The following ATP1A4 variants were observed in gnomAD, a reference collection of about 807,000 sequenced individuals.
ATP1A4 encodes ATPase Na+/K+ transporting subunit alpha 4.
In ATP1A4, 90 loss-of-function variants were observed where a neutral mutation model predicts 114.3. That is an observed-to-expected ratio of 0.79 (90% CI 0.66 to 0.94). The LOEUF (loss-of-function observed/expected upper bound fraction) is 0.94, where lower values mean the gene tolerates loss of function less well. Among genes scored for constraint, ATP1A4 ranks in the 40% least tolerant of loss-of-function variants. ATP1A4 has a pLI of 0.00. For missense variants in ATP1A4, 1,222 were observed against 1,313.6 expected, an observed-to-expected ratio of 0.93 and a Z score of 1.08; for synonymous variants, 511 against 494.1, an observed-to-expected ratio of 1.03 and a Z score of -0.45.
intron 20 of ATP1A4, chr1:160,183,167 T>G (rs1653769761): frequency 6.6e-6 from 1 of 152,212 alleles, no homozygotes; most frequent in South Asian, 2.1e-4. Flanking sequence ...CTTGGACAAG[T>G]ATGGAACCAT....
intron 1 of ATP1A4, 47 bp downstream of exon 1, chr1:160,152,234 T>C (rs1481527988): frequency 1.9e-6 from 3 of 1,589,394 alleles, no homozygotes; most frequent in Non-Finnish European, 2.6e-6. Context: ...CTGAAAACAC[T>C]CCTCCACCTA....
intron 7 of ATP1A4, among the ~76,000 whole-genome samples, chr1:160,165,454 C>T (rs112433770): frequency 0.011 from 1,691 of 152,296 alleles, 27 homozygotes; most frequent in African/African-American, 0.039. Context: ...ATCTCCTCCA[C>T]GTTCTTTGTT....
intron 20 of ATP1A4, among the ~76,000 whole-genome samples, chr1:160,185,918 CAAAAA>C (rs564826958): frequency 5.2e-5 from 5 of 96,132 alleles, no homozygotes. Flanking sequence ...GACTCCGTCT[CAAAAA>C]AAAAAAAAAA....
intron 18 of ATP1A4, among the ~76,000 whole-genome samples, chr1:160,179,983 G>A (rs142642649): frequency 2.6e-5 from 4 of 152,310 alleles, no homozygotes; most frequent in African/African-American, 9.6e-5. Context: ...TAGAGTTTAA[G>A]GATGGGAGCA....
In ATP1A4 at chr1:160,152,186, T is replaced by C. The variant is rs760437076; in HGVS notation, c.146T>C (p.Met49Thr). 7 of 1,612,896 alleles carry C rather than the reference T, an allele frequency of 4.3e-6. No individual in the cohort carries two copies. The highest frequency in any genetic ancestry group is 1.3e-5 in the African/African-American group (1 of 74,830). Reference protein sequence around the residue: ...NMEELKKEVVMDDHKLTLEEL... With the variant: ...NMEELKKEVVTDDHKLTLEEL... The stretch of plus-strand genomic sequence containing the variant: ...GAGGAACTGAAGAAGGAAGTGGTCA[T>C]GGTGAGGCCACCCAAAGTGGGCGCT... The change falls in exon 1 of 22, where the codon ATG (methionine) becomes ACG (threonine). Residue 49 changes from methionine to threonine, a missense_variant and splice_region_variant. Coordinates refer to ENST00000368081, the MANE Select transcript of ATP1A4 (RefSeq NM_144699.4).
chr1:160,179,724 C>T (rs1653612588), intron 18 of ATP1A4, among the ~76,000 whole-genome samples: 1 of 152,098 alleles, frequency 6.6e-6, no homozygotes, highest in African/African-American at 2.4e-5. Context: ...GTTCTAGGGC[C>T]TGGGGATATG....
intron 20 of ATP1A4, among the ~76,000 whole-genome samples, chr1:160,185,313 A>G (rs1004968292): frequency 5.9e-5 from 9 of 151,846 alleles, no homozygotes; most frequent in Admixed American, 4.6e-4. Context: ...GCGTTTCACC[A>G]TGTTGGTCAG....
intron 10 of ATP1A4, among the ~76,000 whole-genome samples, chr1:160,169,082 G>A (rs533344156): frequency 1.6e-4 from 25 of 152,238 alleles, no homozygotes; most frequent in Non-Finnish European, 8.8e-5. Context: ...TGGCAGACTT[G>A]TCCTCAGTGG....
At chr1:160,157,704 A>G (rs1652717552) in intron 4 of ATP1A4, among the ~76,000 whole-genome samples, 1 of 152,256 alleles carries the variant, frequency 6.6e-6, no homozygotes, top group African/African-American at 2.4e-5. Flanking sequence ...CAAGTAGTTC[A>G]GGAAAAGAGT....
In ATP1A4 at chr1:160,174,555, C is replaced by T. The variant is rs200839731; in HGVS notation, c.2143-24C>T. On this transcript the variant is annotated intron_variant, in intron 14 of 21. Coordinates refer to ENST00000368081, the MANE Select transcript of ATP1A4 (RefSeq NM_144699.4). ...TGGATCTGATGCAATAAATTGTTCA[C>T]TCTCTCTGTCTGGACTTCCTCAGGG... 127 of 1,606,746 alleles carry T rather than the reference C, an allele frequency of 7.9e-5. No individual in the cohort carries two copies. In the African/African-American group the frequency reaches 1.5e-3, roughly 19 times the overall value.
intron 12 of ATP1A4, 59 bp downstream of exon 12, chr1:160,171,816 A>T: frequency 6.4e-7 from 1 of 1,562,670 alleles, no homozygotes; most frequent in Admixed American, 1.8e-5. Flanking sequence ...CATCTACTAG[A>T]AGGCCTTGCG....
intron 4 of ATP1A4, among the ~76,000 whole-genome samples, chr1:160,158,285 A>G (rs1479377778): frequency 6.6e-6 from 1 of 152,090 alleles, no homozygotes; most frequent in Non-Finnish European, 1.5e-5. Flanking sequence ...TTTCTTCGTG[A>G]TCTCTCTTTT....
chr1:160,170,348 C>T (rs896869266), intron 10 of ATP1A4: 2 of 152,244 alleles, frequency 1.3e-5, no homozygotes, highest in African/African-American at 4.8e-5. Context: ...ATCACTTGAA[C>T]CCAGAGGCAG....
intron 4 of ATP1A4, among the ~76,000 whole-genome samples, 180 bp from the exon 5 acceptor site, chr1:160,158,822 C>T (rs976029878): frequency 6.6e-6 from 1 of 151,380 alleles, no homozygotes. Context: ...TGCAAAGGGC[C>T]CTGCAAACAG....
intron 18 of ATP1A4, among the ~76,000 whole-genome samples, chr1:160,178,532 G>C (rs556705095): frequency 6.6e-6 from 1 of 152,084 alleles, no homozygotes; most frequent in South Asian, 2.1e-4. Context: ...AAAATAAGCT[G>C]GGTATGGTCG....
At position 160,159,545 on chromosome 1, in the gene ATP1A4, GT is replaced by G. The variant is rs747156063; in HGVS notation, c.778+20del. On this transcript the variant is annotated intron_variant, in intron 6 of 21. Coordinates refer to ENST00000368081, the MANE Select transcript of ATP1A4 (RefSeq NM_144699.4). ...GTGGAAGGTGAATATCGAACCATAA[GT>G]AGCATAGATTCAAAAGCAGGCACCA... 13 of 1,588,896 alleles carry G rather than the reference GT, an allele frequency of 8.2e-6. No homozygotes were observed. In the South Asian group the frequency reaches 1.5e-4, roughly 18 times the overall value.
At position 160,181,972 on chromosome 1, in the gene ATP1A4, G is replaced by A; in HGVS notation, c.2910G>A (p.Leu970=). 1 of 1,614,104 alleles carries A rather than the reference G, an allele frequency of 6.2e-7. No individual in the cohort carries two copies. The highest frequency in any genetic ancestry group is 8.5e-7 in the Non-Finnish European group (1 of 1,180,030). Residue 970 remains leucine, a synonymous_variant, in exon 20 of 22, where the codon TTG becomes TTA. Transcript: ENST00000368081. The part of the protein sequence containing the change: ...LIFGILEETL[L]AAFLSYTPGM... ...TTGGGATCCTGGAGGAGACACTCTT[G>A]GCTGCATTTCTGTCCTACACTCCAG...
rs1467771497 is a variant in ATP1A4 at position 160,177,420 on chromosome 1, A to G, written c.2591-99A>G. The G allele has an allele frequency of 3.8e-6, 5 of 1,326,400 alleles. No individual in the cohort carries two copies. In the African/African-American group the frequency reaches 4.4e-5, roughly 12 times the overall value. 82.2% of individuals were successfully genotyped at this position (1,326,400 alleles called of 1,614,324 possible). A position where few individuals can be genotyped will look rare whatever the true frequency, so the allele number is the denominator to read the frequency against. On this transcript the variant is annotated intron_variant, in intron 17 of 21. Coordinates refer to ENST00000368081, the MANE Select transcript of ATP1A4 (RefSeq NM_144699.4). ...TTACTCTTCAGACACACACCAGCCC[A>G]GCCAGAAGCAAGTCCCAGCCCCCAG...
chr1:160,164,346 T>C lies in ATP1A4; in HGVS notation c.969T>C (p.Tyr323=). The change falls in exon 7 of 22, where the codon TAT becomes TAC. Residue 323 remains tyrosine, a synonymous_variant. Coordinates refer to ENST00000368081, the MANE Select transcript of ATP1A4 (RefSeq NM_144699.4). The part of the protein sequence containing the change: ...TFFALSLLLG[Y]GWLEAIIFLI... ...TTGCGCTCTCACTTCTCTTGGGCTATGGTTGGCTGGAGGCTATCATTTTTC... is the reference window on the plus strand; with the variant it reads ...TTGCGCTCTCACTTCTCTTGGGCTACGGTTGGCTGGAGGCTATCATTTTTC... 6.2e-7 allele frequency: 1 copy of C among 1,614,216 alleles called. No homozygotes were observed. The highest frequency in any genetic ancestry group is 2.2e-5 in the East Asian group (1 of 44,884).
Sources: allele counts gnomAD v4.1 joint callset (sites outside exome capture counted in the v4.1 genomes callset), GRCh38; gene constraint gnomAD v4.1.1; transcripts MANE v1.5; gene names NCBI Gene and HGNC (gene_info 2026-07-23, HGNC 2026-07-21).